Variants in CLIC4 observed in about 807,000 individuals in gnomAD.
CLIC4 encodes the protein chloride intracellular channel protein 4.
In CLIC4, 13 loss-of-function variants were observed where a neutral mutation model predicts 24.6. The observed-to-expected ratio is 0.53, with a 90% CI of 0.34 to 0.84. The LOEUF is 0.84. Ranked by LOEUF, CLIC4 falls within the 40% of genes least tolerant of loss-of-function variation. CLIC4 has a pLI of 0.01. For synonymous variants in CLIC4, 104 were observed against 111.3 expected (o/e 0.93, Z 0.41); for missense variants, 227 against 301.7 (o/e 0.75, Z 1.83).
chr1:24,795,446 C>T (rs528361327), intron 1 of CLIC4, among the ~76,000 whole-genome samples: 1 of 151,564 alleles, frequency 6.6e-6, no homozygotes, highest in African/African-American at 2.4e-5. Flanking sequence ...TTCTTAAGTC[C>T]ACGAATTTGA....
Position 24,774,125 on chromosome 1 carries a change from G to A in CLIC4, c.73-23617G>A, listed in dbSNP as rs117149922. ...GTAGCTGGGACTACAGGTGCACACT[G>A]CGACACCTGGCTAATTTCTTTTGTA... On this transcript the variant is annotated intron_variant, in intron 1 of 5. Coordinates refer to ENST00000374379, the MANE Select transcript of CLIC4 (RefSeq NM_013943.3). 8.6e-3 allele frequency among the ~76,000 whole-genome samples: 1,299 copies of A among 151,890 alleles called. 30 individuals carry two copies. Among genetic ancestry groups the A allele is most frequent in the East Asian group, 0.06 (305 of 5,118 alleles).
intron 4 of CLIC4, among the ~76,000 whole-genome samples, chr1:24,832,030 T>TA (rs1302164739): frequency 6.6e-6 from 1 of 152,210 alleles, no homozygotes; most frequent in Non-Finnish European, 1.5e-5. Context: ...TCCTCTTAAA[T>TA]ATACCCATAG....
intron 4 of CLIC4, among the ~76,000 whole-genome samples, chr1:24,837,830 A>G (rs1639900749): frequency 1.3e-5 from 2 of 152,218 alleles, no homozygotes; most frequent in Admixed American, 6.5e-5. Context: ...CCTGGCTAAC[A>G]TGGTGAAACC....
chr1:24,762,074 A>G (rs1368648102), intron 1 of CLIC4, among the ~76,000 whole-genome samples: 1 of 152,192 alleles, frequency 6.6e-6, no homozygotes, highest in Non-Finnish European at 1.5e-5. Context: ...ACTTGATGAC[A>G]TACATATATG....
chr1:24,749,072 C>T (rs1571225695), intron 1 of CLIC4, among the ~76,000 whole-genome samples: 1 of 151,660 alleles, frequency 6.6e-6, no homozygotes. Context: ...AAATTAGCCA[C>T]GCATAGTGGT....
chr1:24,839,842 CTT>C lies in CLIC4; in HGVS notation c.416-12_416-11del. The stretch of plus-strand genomic sequence containing the variant: ...TTTCCTTCTTACAGTATTCTCATCT[CTT>C]TTTTTCCCCCCCAAGCACTGGAGAG... On this transcript the variant is annotated splice_polypyrimidine_tract_variant and intron_variant, in intron 4 of 5. Coordinates refer to ENST00000374379, the MANE Select transcript of CLIC4 (RefSeq NM_013943.3). 1.2e-6 allele frequency: 2 copies of C among 1,601,566 alleles called. No homozygotes were observed. Among genetic ancestry groups the C allele is most frequent in the Non-Finnish European group, 1.7e-6 (2 of 1,174,760 alleles).
intron 1 of CLIC4, among the ~76,000 whole-genome samples, chr1:24,766,387 C>T (rs1375750220): frequency 6.6e-6 from 1 of 151,014 alleles, no homozygotes; most frequent in South Asian, 2.1e-4. Context: ...CTATCTTGGC[C>T]TCCCAAAGTG....
intron 1 of CLIC4, among the ~76,000 whole-genome samples, chr1:24,786,301 A>G (rs375642422): frequency 6.6e-6 from 1 of 152,252 alleles, no homozygotes; most frequent in Non-Finnish European, 1.5e-5. Context: ...CTAAGTGAGC[A>G]GTTCCTTAAT....
Position 24,778,088 on chromosome 1 carries a change from T to C in CLIC4, c.73-19654T>C, listed in dbSNP as rs1368498244. 5 of 152,358 alleles carry C rather than the reference T, an allele frequency of 3.3e-5. No homozygotes were observed. In the East Asian group the frequency reaches 7.7e-4, roughly 24 times the overall value. The allele number at this position is 152,358 out of a possible 1,614,324, so 9.4% of individuals were successfully genotyped here. A position where few individuals can be genotyped will look rare whatever the true frequency, so the allele number is the denominator to read the frequency against. ...TTATCTTACTTGATAGTAGTGTCTATGAGTGAGATGGTGGTGGTTCTGTAA... is the reference window on the plus strand; with the variant it reads ...TTATCTTACTTGATAGTAGTGTCTACGAGTGAGATGGTGGTGGTTCTGTAA... On this transcript the variant is annotated intron_variant, in intron 1 of 5. Coordinates refer to ENST00000374379, the MANE Select transcript of CLIC4 (RefSeq NM_013943.3).
chr1:24,814,379 A>C (rs993659697), intron 3 of CLIC4, among the ~76,000 whole-genome samples, 160 bp downstream of exon 3: 1 of 152,238 alleles, frequency 6.6e-6, no homozygotes, highest in Non-Finnish European at 1.5e-5. Context: ...ATTGGCTTCC[A>C]GCTAGGCCAA....
chr1:24,842,453 A>C lies in CLIC4; in HGVS notation c.*1516A>C, dbSNP rs1227056036. On this transcript the variant is annotated 3_prime_UTR_variant, in exon 6 of 6. Coordinates refer to ENST00000374379, the MANE Select transcript of CLIC4 (RefSeq NM_013943.3). ...GCTATTTCTCATAGGCTGTTTCTTG[A>C]AATTTTAAGTTTATTGCTTTAAAAT... 6.6e-6 allele frequency: 1 copy of C among 152,166 alleles called. No individual in the cohort carries two copies. Among genetic ancestry groups the C allele is most frequent in the East Asian group, 1.9e-4 (1 of 5,200 alleles). 9.4% of individuals were successfully genotyped at this position (152,166 alleles called of 1,614,324 possible).
At chr1:24,759,894 C>T (rs567292497) in intron 1 of CLIC4, among the ~76,000 whole-genome samples, 1 of 151,860 alleles carries the variant, frequency 6.6e-6, no homozygotes, top group African/African-American at 2.4e-5. Flanking sequence ...GTTGAGGCCA[C>T]AGTGAGTAGT....
chr1:24,772,825 T>C (rs1433620565), intron 1 of CLIC4, among the ~76,000 whole-genome samples: 2 of 152,180 alleles, frequency 1.3e-5, no homozygotes, highest in Admixed American at 1.3e-4. Context: ...AAATACATAA[T>C]CCAAAATTAA....
At chr1:24,817,065 C>G (rs1471991182) in intron 3 of CLIC4, among the ~76,000 whole-genome samples, 1 of 152,152 alleles carries the variant, frequency 6.6e-6, no homozygotes, top group Non-Finnish European at 1.5e-5. Flanking sequence ...CAGACGTTGA[C>G]TTTTTCTCTG....
chr1:24,763,412 T>C (rs1440691406), intron 1 of CLIC4, among the ~76,000 whole-genome samples: 3 of 151,552 alleles, frequency 2.0e-5, no homozygotes, highest in Non-Finnish European at 2.9e-5. Flanking sequence ...TTGTGGCGCA[T>C]GCTTGTAGTC....
chr1:24,839,537 G>C (rs1639919393), intron 4 of CLIC4, among the ~76,000 whole-genome samples: 1 of 152,046 alleles, frequency 6.6e-6, no homozygotes, highest in African/African-American at 2.4e-5. Flanking sequence ...CTGACCTCGT[G>C]ATCTGCCTGC....
intron 1 of CLIC4, among the ~76,000 whole-genome samples, chr1:24,749,247 TAG>T (rs1638745591): frequency 6.7e-6 from 1 of 148,778 alleles, no homozygotes; most frequent in Non-Finnish European, 1.5e-5. Context: ...AAAAAGAAAG[TAG>T]AGAGGGTGCA....
chr1:24,784,247 G>A (rs1430828867), intron 1 of CLIC4, among the ~76,000 whole-genome samples: 1 of 152,016 alleles, frequency 6.6e-6, no homozygotes, highest in East Asian at 1.9e-4. Flanking sequence ...GTGTTGTGCT[G>A]TTCTAAGTCC....
At chr1:24,829,201 A>G (rs1409856858) in intron 4 of CLIC4, among the ~76,000 whole-genome samples, 1 of 152,202 alleles carries the variant, frequency 6.6e-6, no homozygotes, top group East Asian at 1.9e-4. Context: ...CACCTATTAA[A>G]TATTTTCAAA....
Sources: gnomAD v4.1 joint callset for allele counts (sites outside exome capture counted in the v4.1 genomes callset) on GRCh38, gnomAD v4.1.1 for gene constraint, MANE v1.5 for transcripts, NCBI Gene and HGNC (gene_info 2026-07-23, HGNC 2026-07-21) for gene names.